Variants in SH3RF3 observed in about 807,000 individuals in gnomAD.
SH3RF3 encodes the protein SH3 domain containing ring finger 3, also known as E3 ubiquitin-protein ligase SH3RF3.
SH3RF3 carries 29 observed loss-of-function variants against 66.3 expected under a neutral mutation model. That is an observed-to-expected ratio of 0.44 (90% confidence interval 0.33 to 0.60). SH3RF3 has a LOEUF of 0.60. Ranked by LOEUF, SH3RF3 falls within the 20% of genes least tolerant of loss-of-function variation. The probability of loss-of-function intolerance (pLI) is 0.04; values close to 1 mark genes in which losing one functional copy is unlikely to be tolerated. For missense variants in SH3RF3, 1,194 were observed against 1,190.9 expected (o/e 1.00, Z -0.04); for synonymous variants, 583 against 532.0 (o/e 1.10, Z -1.32).
intron 1 of SH3RF3, among the ~76,000 whole-genome samples, chr2:109,330,038 C>T (rs1682249183): frequency 2.0e-5 from 3 of 152,186 alleles, no homozygotes; most frequent in Admixed American, 2.0e-4. Flanking sequence ...CCTTACAAAA[C>T]ATTGAATTTC....
intron 1 of SH3RF3, among the ~76,000 whole-genome samples, chr2:109,239,317 G>A (rs974880127): frequency 5.9e-5 from 9 of 152,148 alleles, no homozygotes; most frequent in Non-Finnish European, 4.4e-5. Context: ...TTCCTAGGGG[G>A]CTATAGGAGT....
chr2:109,181,108 G>A (rs758049685), intron 1 of SH3RF3, among the ~76,000 whole-genome samples: 14 of 152,106 alleles, frequency 9.2e-5, no homozygotes, highest in Non-Finnish European at 1.9e-4. Context: ...AGGTGGTGAG[G>A]AGAAGTGATG....
intron 2 of SH3RF3, among the ~76,000 whole-genome samples, chr2:109,349,818 C>T (rs1035121138): frequency 1.7e-4 from 26 of 152,260 alleles, no homozygotes; most frequent in African/African-American, 5.8e-4. Context: ...ACCATATAAC[C>T]TGCTGCATTC....
At chr2:109,293,477 C>G (rs1196385509) in intron 1 of SH3RF3, among the ~76,000 whole-genome samples, 2 of 152,198 alleles carry the variant, frequency 1.3e-5, no homozygotes, top group Non-Finnish European at 2.9e-5. Flanking sequence ...TACCCTGCCC[C>G]CTTCTCTCTC....
At chr2:109,290,437 C>T (rs1681139239) in intron 1 of SH3RF3, among the ~76,000 whole-genome samples, 1 of 152,220 alleles carries the variant, frequency 6.6e-6, no homozygotes, top group Non-Finnish European at 1.5e-5. Flanking sequence ...CACATATATG[C>T]ATGCACCAGA....
chr2:109,286,054 C>A (rs568181237), intron 1 of SH3RF3, among the ~76,000 whole-genome samples: 2 of 152,298 alleles, frequency 1.3e-5, no homozygotes, highest in East Asian at 3.9e-4. Context: ...AATGGTGTTT[C>A]TGACATGGAG....
intron 1 of SH3RF3, among the ~76,000 whole-genome samples, chr2:109,143,072 G>A (rs916337995): frequency 3.9e-5 from 6 of 152,264 alleles, no homozygotes; most frequent in South Asian, 4.1e-4. Context: ...CCCTGAGCCC[G>A]GGAACCCAGT....
intron 1 of SH3RF3, among the ~76,000 whole-genome samples, chr2:109,248,338 T>C (rs562778795): frequency 1.3e-5 from 2 of 149,790 alleles, no homozygotes; most frequent in East Asian, 3.9e-4. Flanking sequence ...CATACAGATA[T>C]TCTTCTTATT....
intron 1 of SH3RF3, among the ~76,000 whole-genome samples, chr2:109,213,763 C>T (rs972262390): frequency 2.0e-5 from 3 of 152,146 alleles, no homozygotes; most frequent in African/African-American, 4.8e-5. Context: ...TAAATAGGAA[C>T]GTGACGTGGT....
At chr2:109,261,098 G>C (rs1680343563) in intron 1 of SH3RF3, among the ~76,000 whole-genome samples, 1 of 152,216 alleles carries the variant, frequency 6.6e-6, no homozygotes, top group Admixed American at 6.5e-5. Flanking sequence ...TTTCTGCCAA[G>C]ACGCCCAATG....
chr2:109,219,796 G>A (rs75408428), intron 1 of SH3RF3, among the ~76,000 whole-genome samples: 2,222 of 152,310 alleles, frequency 0.015, 72 homozygotes, highest in African/African-American at 0.05. Flanking sequence ...AAGTGGAAAT[G>A]CATCTCTTGT....
intron 1 of SH3RF3, among the ~76,000 whole-genome samples, chr2:109,322,724 G>A (rs1319300958): frequency 6.6e-6 from 1 of 152,184 alleles, no homozygotes; most frequent in Non-Finnish European, 1.5e-5. Flanking sequence ...TCATTAAGAG[G>A]TAGATGATCA....
chr2:109,370,221 GTCTCTGTC>G (rs371747033), intron 2 of SH3RF3, among the ~76,000 whole-genome samples: 5,300 of 148,802 alleles, frequency 0.036, 308 homozygotes, highest in African/African-American at 0.13. Flanking sequence ...CTCTGTCTCT[GTCTCTGTC>G]TCTCTCTCTC....
At chr2:109,323,213 G>A (rs910144943) in intron 1 of SH3RF3, among the ~76,000 whole-genome samples, 2 of 152,174 alleles carry the variant, frequency 1.3e-5, no homozygotes, top group Non-Finnish European at 2.9e-5. Context: ...GAGGGCCGGG[G>A]GCCATCAGGA....
intron 1 of SH3RF3, among the ~76,000 whole-genome samples, chr2:109,296,022 G>A (rs1247221182): frequency 6.6e-6 from 1 of 152,074 alleles, no homozygotes; most frequent in Non-Finnish European, 1.5e-5. Context: ...ATTGATGGGA[G>A]GCTCTGAAGG....
intron 1 of SH3RF3, among the ~76,000 whole-genome samples, chr2:109,322,264 T>G (rs1223145614): frequency 2.0e-5 from 3 of 152,184 alleles, no homozygotes; most frequent in Non-Finnish European, 4.4e-5. Context: ...TATTTTGCAT[T>G]TCCTGTTGAA....
chr2:109,163,212 G>A (rs1189937131), intron 1 of SH3RF3, among the ~76,000 whole-genome samples: 1 of 152,138 alleles, frequency 6.6e-6, no homozygotes, highest in Non-Finnish European at 1.5e-5. Context: ...GGCAGCTTTG[G>A]CACAAGCCCA....
chr2:109,426,980 T>A (rs57070943), intron 5 of SH3RF3, among the ~76,000 whole-genome samples: 6,308 of 41,696 alleles, frequency 0.15, 215 homozygotes, highest in African/African-American at 0.34. Context: ...ATATATATAT[T>A]TTTTTTTGAG....
At chr2:109,267,833 A>G (rs1178127974) in intron 1 of SH3RF3, among the ~76,000 whole-genome samples, 1 of 152,180 alleles carries the variant, frequency 6.6e-6, no homozygotes, top group Admixed American at 6.5e-5. Context: ...TGGTCGGGCA[A>G]TGGGGCCAGG....
Sources: gnomAD v4.1 joint callset for allele counts (sites outside exome capture counted in the v4.1 genomes callset) on GRCh38, gnomAD v4.1.1 for gene constraint, MANE v1.5 for transcripts, NCBI Gene and HGNC (gene_info 2026-07-23, HGNC 2026-07-21) for gene names.